Variants in AUTS2 observed in about 807,000 individuals in gnomAD.
The protein encoded by AUTS2 is autism susceptibility gene 2 protein.
In AUTS2, 17 loss-of-function variants were observed where a neutral mutation model predicts 112.4. The observed-to-expected ratio is 0.15, with a 90% CI of 0.10 to 0.23. AUTS2 has a LOEUF of 0.23. Among genes scored for constraint, AUTS2 ranks in the 10% least tolerant of loss-of-function variants. The pLI is 1.00. For synonymous variants in AUTS2, 751 were observed against 702.7 expected, an observed-to-expected ratio of 1.07 and a Z score of -1.09; for missense variants, 1,510 against 1,701.6, an observed-to-expected ratio of 0.89 and a Z score of 1.98.
chr7:70,763,107 G>A lies in AUTS2; in HGVS notation c.980G>A (p.Arg327His), dbSNP rs146706542. Reference sequence around the variant, plus strand: ...TCTCCGGACCCTGACTTGGTGCAGCGCACAGAGGCCCCACCTCAACCCCCA... The same window carrying A: ...TCTCCGGACCCTGACTTGGTGCAGCACACAGAGGCCCCACCTCAACCCCCA... ...APSPDPDLVQ[R>H]TEAPPQPPPL... The change falls in exon 7 of 19, where the codon CGC (arginine) becomes CAC (histidine). Residue 327 changes from arginine to histidine, a missense_variant. Around this residue, in one of 3 missense-constraint regions of AUTS2, gnomAD observed 535 missense variants for 594.3 expected, o/e 0.90. Coordinates refer to ENST00000342771, the MANE Select transcript of AUTS2 (RefSeq NM_015570.4). The A allele has an allele frequency of 9.3e-6, 15 of 1,613,862 alleles. No homozygotes were observed. The East Asian group carries it at 1.3e-4, about 14-fold the overall frequency.
intron 6 of AUTS2, among the ~76,000 whole-genome samples, chr7:70,735,486 C>T (rs534264621): frequency 3.3e-5 from 5 of 152,238 alleles, no homozygotes; most frequent in Admixed American, 2.6e-4. Flanking sequence ...GGGGGTGATG[C>T]GGATGTTCCG....
intron 6 of AUTS2, among the ~76,000 whole-genome samples, chr7:70,744,905 C>G (rs1034671349): frequency 6.6e-6 from 1 of 152,068 alleles, no homozygotes; most frequent in South Asian, 2.1e-4. Flanking sequence ...TCCAGATCAC[C>G]CTTCCAGGTG....
intron 5 of AUTS2, among the ~76,000 whole-genome samples, chr7:70,515,411 A>G (rs912756488): frequency 6.6e-6 from 1 of 152,148 alleles, no homozygotes; most frequent in African/African-American, 2.4e-5. Context: ...TGAGAATGGG[A>G]TGGGCAATGC....
chr7:69,978,260 T>G (rs1207423296), intron 2 of AUTS2, among the ~76,000 whole-genome samples: 1 of 152,228 alleles, frequency 6.6e-6, no homozygotes, highest in Non-Finnish European at 1.5e-5. Flanking sequence ...ATACCCTTTA[T>G]TGCAATTCCA....
intron 4 of AUTS2, among the ~76,000 whole-genome samples, chr7:70,351,046 CT>C: frequency 7.0e-6 from 1 of 143,048 alleles, no homozygotes; most frequent in African/African-American, 2.6e-5. Context: ...AGGATTTTGT[CT>C]TCTTCTTTTT....
At chr7:69,624,724 A>T (rs985042076) in intron 1 of AUTS2, among the ~76,000 whole-genome samples, 2 of 152,158 alleles carry the variant, frequency 1.3e-5, no homozygotes, top group African/African-American at 4.8e-5. Context: ...CGCCACTATC[A>T]ACTAAACAGG....
chr7:70,704,622 A>C (rs1056732041), intron 6 of AUTS2, among the ~76,000 whole-genome samples: 1 of 152,248 alleles, frequency 6.6e-6, no homozygotes, highest in Non-Finnish European at 1.5e-5. Context: ...ATATGCATTC[A>C]TGATAGACAA....
chr7:70,141,231 T>C (rs1189641158), intron 4 of AUTS2, among the ~76,000 whole-genome samples: 1 of 152,044 alleles, frequency 6.6e-6, no homozygotes, highest in Non-Finnish European at 1.5e-5. Context: ...GGGACTTAGA[T>C]TGTCAGGGAA....
chr7:69,714,057 G>A (rs1189877054), intron 1 of AUTS2, among the ~76,000 whole-genome samples: 1 of 151,704 alleles, frequency 6.6e-6, no homozygotes, highest in Non-Finnish European at 1.5e-5. Context: ...TTTTGTATAT[G>A]GATTGAATTT....
At position 70,775,391 on chromosome 7, in the gene AUTS2, G is replaced by C; in HGVS notation, c.1932+5G>C. 1 of 1,611,862 alleles carries C rather than the reference G, an allele frequency of 6.2e-7. No individual in the cohort carries two copies. Among genetic ancestry groups the C allele is most frequent in the Non-Finnish European group, 8.5e-7 (1 of 1,179,112 alleles). ...CCTTTCAGACCTATGTTAAGGGTAA[G>C]AAAGCTTCTTATAGAACTGTTTTGC... On this transcript the variant is annotated splice_donor_5th_base_variant and intron_variant, in intron 13 of 18. Coordinates refer to ENST00000342771, the MANE Select transcript of AUTS2 (RefSeq NM_015570.4).
intron 4 of AUTS2, among the ~76,000 whole-genome samples, chr7:70,339,378 A>G (rs1007081948): frequency 2.0e-5 from 3 of 152,208 alleles, no homozygotes; most frequent in African/African-American, 7.2e-5. Flanking sequence ...AATCTCTGTT[A>G]TCCAAAACAA....
intron 4 of AUTS2, among the ~76,000 whole-genome samples, chr7:70,174,978 C>G (rs147257916): frequency 4.7e-4 from 71 of 152,174 alleles, no homozygotes; most frequent in African/African-American, 1.6e-3. Context: ...TTAAGAAATG[C>G]ATTTCATAAG....
chr7:70,390,495 C>T (rs1007220621), intron 4 of AUTS2, among the ~76,000 whole-genome samples: 1 of 151,972 alleles, frequency 6.6e-6, no homozygotes, highest in African/African-American at 2.4e-5. Flanking sequence ...AGTAGTGACT[C>T]CTGCACTATG....
chr7:69,904,749 T>A (rs897039205), intron 2 of AUTS2, among the ~76,000 whole-genome samples: 3 of 152,188 alleles, frequency 2.0e-5, no homozygotes, highest in Non-Finnish European at 2.9e-5. Context: ...TCAAATAAAA[T>A]TCTTTATATT....
At chr7:70,484,114 C>T (rs1287515643) in intron 5 of AUTS2, among the ~76,000 whole-genome samples, 1 of 152,138 alleles carries the variant, frequency 6.6e-6, no homozygotes, top group Non-Finnish European at 1.5e-5. Context: ...AATGATACTT[C>T]TACACAGATT....
At position 70,313,805 on chromosome 7, in the gene AUTS2, G is replaced by A. The variant is rs542415376; in HGVS notation, c.661-121947G>A. Among the ~76,000 whole-genome samples the A allele has an allele frequency of 1.1e-4, 17 of 152,316 alleles. No homozygotes were observed. The East Asian group carries it at 3.3e-3, about 29-fold the overall frequency. ...ATTTCTACCAGCCTCACGAACCAGG[G>A]CATGGCATGGAATTCATTGGCCCTG... On this transcript the variant is annotated intron_variant, in intron 4 of 18. Coordinates refer to ENST00000342771, the MANE Select transcript of AUTS2 (RefSeq NM_015570.4).
At chr7:70,632,837 G>A (rs1448702687) in intron 5 of AUTS2, among the ~76,000 whole-genome samples, 4 of 152,084 alleles carry the variant, frequency 2.6e-5, no homozygotes, top group African/African-American at 9.7e-5. Flanking sequence ...GGCTGCAGAG[G>A]ACACAGACCC....
At chr7:70,242,014 G>A (rs1161499124) in intron 4 of AUTS2, among the ~76,000 whole-genome samples, 1 of 152,176 alleles carries the variant, frequency 6.6e-6, no homozygotes, top group African/African-American at 2.4e-5. Context: ...ATATGGTACA[G>A]CCCCTATTCT....
chr7:70,394,655 G>A (rs557977500), intron 4 of AUTS2, among the ~76,000 whole-genome samples: 1 of 152,332 alleles, frequency 6.6e-6, no homozygotes, highest in East Asian at 1.9e-4. Flanking sequence ...CCACTGTGGT[G>A]GGGAAGGTGG....
Sources: allele counts gnomAD v4.1 joint callset (sites outside exome capture counted in the v4.1 genomes callset), GRCh38; gene constraint gnomAD v4.1.1; regional missense constraint gnomAD v4.1.1; transcripts MANE v1.5; gene names NCBI Gene and HGNC (gene_info 2026-07-23, HGNC 2026-07-21).